The following DDX25 variants were observed in gnomAD, a reference collection of about 807,000 sequenced individuals.
DDX25 encodes the protein DEAD-box helicase 25.
In DDX25, 70 loss-of-function variants were observed where a neutral mutation model predicts 64.6. The observed-to-expected ratio is 1.08, with a 90% CI of 0.89 to 1.32. The LOEUF is 1.32. DDX25 is among the 40% of genes most tolerant of loss of function. The pLI is 0.00. For synonymous variants in DDX25, 211 were observed against 213.3 expected (o/e 0.99, Z 0.09); for missense variants, 587 against 604.4 (o/e 0.97, Z 0.30).
At chr11:125,913,294 T>C (rs1200704528) in intron 8 of DDX25, among the ~76,000 whole-genome samples, 1 of 152,154 alleles carries the variant, frequency 6.6e-6, no homozygotes, top group Non-Finnish European at 1.5e-5. Flanking sequence ...AAGTTTTAAA[T>C]CTCCTATATC....
intron 8 of DDX25, among the ~76,000 whole-genome samples, chr11:125,912,354 A>G (rs1290744157): frequency 1.3e-5 from 2 of 152,200 alleles, no homozygotes; most frequent in Non-Finnish European, 2.9e-5. Context: ...CAGTATTGAT[A>G]TCATGTGACA....
intron 11 of DDX25, chr11:125,922,418 CCA>C (rs1448411762): frequency 5.8e-6 from 1 of 172,882 alleles, no homozygotes; most frequent in Non-Finnish European, 1.2e-5. Context: ...TGTAGCACAT[CCA>C]CCGACCTTTC....
At chr11:125,914,891 T>C (rs605999) in intron 8 of DDX25, among the ~76,000 whole-genome samples, 104,871 of 152,086 alleles carry the variant, frequency 0.69, 36,322 homozygotes, top group Admixed American at 0.73. Context: ...CACAGGCACG[T>C]GCCACCACAC....
At chr11:125,913,633 T>C (rs747449540) in intron 8 of DDX25, among the ~76,000 whole-genome samples, 2 of 152,166 alleles carry the variant, frequency 1.3e-5, no homozygotes, top group Non-Finnish European at 1.5e-5. Flanking sequence ...CCTTTTTTTT[T>C]TCTCTCGCGA....
Position 125,910,572 on chromosome 11 carries a change from A to T in DDX25, c.622+94A>T, listed in dbSNP as rs1944953810. The T allele has an allele frequency of 5.9e-6, 6 of 1,021,094 alleles. No homozygotes were observed. In the Admixed American group the frequency reaches 9.5e-5, roughly 16 times the overall value. 63.3% of individuals were successfully genotyped at this position (1,021,094 alleles called of 1,614,324 possible). Reference sequence around the variant, plus strand: ...ATAACTTCTTGGCATTCTCATCTCTAAATGGGGGAAATAATACCACTCATG... The same window carrying T: ...ATAACTTCTTGGCATTCTCATCTCTTAATGGGGGAAATAATACCACTCATG... On this transcript the variant is annotated intron_variant, in intron 7 of 11. Coordinates refer to ENST00000263576, the MANE Select transcript of DDX25 (RefSeq NM_013264.5).
Position 125,906,060 on chromosome 11 carries a change from T to G in DDX25, c.176-14T>G. Reference sequence around the variant, plus strand: ...GGAAGCTTGATGTCCTCTTTTTTATTTTTGCTTTTCTAGTGGATTTGGCAG... The same window carrying G: ...GGAAGCTTGATGTCCTCTTTTTTATGTTTGCTTTTCTAGTGGATTTGGCAG... On this transcript the variant is annotated splice_polypyrimidine_tract_variant and intron_variant, in intron 3 of 11. Transcript: ENST00000263576. The G allele has an allele frequency of 6.6e-7, 1 of 1,526,686 alleles. No individual in the cohort carries two copies. Among genetic ancestry groups the G allele is most frequent in the South Asian group, 1.3e-5 (1 of 78,890 alleles). The allele number at this position is 1,526,686 out of a possible 1,614,324, so 94.6% of individuals were successfully genotyped here. A position where few individuals can be genotyped will look rare whatever the true frequency, so the allele number is the denominator to read the frequency against.
At position 125,911,327 on chromosome 11, in the gene DDX25, C is replaced by G. The variant is rs751519298; in HGVS notation, c.639C>G (p.Asp213Glu). The part of the protein sequence containing the change: ...IRGNRIPRGT[D>E]ITKQIIIGTP... ...TCTCCCCAGTTCCCAGAGGCACCGA[C>G]ATCACTAAACAGATTATAATTGGCA... Residue 213 changes from aspartate to glutamate, a missense_variant, in exon 8 of 12, where the codon GAC (aspartate) becomes GAG (glutamate). Coordinates refer to ENST00000263576, the MANE Select transcript of DDX25 (RefSeq NM_013264.5). The G allele has an allele frequency of 8.7e-6, 14 of 1,611,010 alleles. No individual in the cohort carries two copies. In the East Asian group the frequency reaches 2.9e-4, roughly 33 times the overall value.
At chr11:125,906,300 C>G in intron 4 of DDX25, 91 bp downstream of exon 4, 1 of 1,367,580 alleles carries the variant, frequency 7.3e-7, no homozygotes, top group South Asian at 1.7e-5. Flanking sequence ...AGGATCTCCT[C>G]TTTGTTTTCT....
At chr11:125,907,441 T>C (rs1370788882) in intron 4 of DDX25, among the ~76,000 whole-genome samples, 6 of 152,064 alleles carry the variant, frequency 3.9e-5, no homozygotes, top group Non-Finnish European at 8.8e-5. Flanking sequence ...ACCCCGTCTC[T>C]ACTAAAAATA....
intron 4 of DDX25, among the ~76,000 whole-genome samples, chr11:125,907,452 C>CA (rs942668387): frequency 3.0e-4 from 46 of 152,128 alleles, no homozygotes; most frequent in South Asian, 1.5e-3. Flanking sequence ...ACTAAAAATA[C>CA]AAAAAATTAG....
At chr11:125,912,834 C>T (rs1345564902) in intron 8 of DDX25, among the ~76,000 whole-genome samples, 2 of 151,510 alleles carry the variant, frequency 1.3e-5, no homozygotes, top group African/African-American at 4.9e-5. Flanking sequence ...TCTGTGATAT[C>T]TCCAAATAGT....
Position 125,925,334 on chromosome 11 carries a change from C to T in DDX25, c.*2453C>T, listed in dbSNP as rs566757136. On this transcript the variant is annotated 3_prime_UTR_variant, in exon 12 of 12. Transcript: ENST00000263576. Reference sequence around the variant, plus strand: ...GGTATTTTTCTGCGTTCCCTTTTGCCCCCTCCTCACGTCCCTTTGTCTCAC... The same window carrying T: ...GGTATTTTTCTGCGTTCCCTTTTGCTCCCTCCTCACGTCCCTTTGTCTCAC... The T allele has an allele frequency of 2.2e-6, 1 of 445,118 alleles. No individual in the cohort carries two copies. The allele number at this position is 445,118 out of a possible 1,614,324, so 27.6% of individuals were successfully genotyped here.
intron 11 of DDX25, chr11:125,922,586 A>G: frequency 2.4e-6 from 1 of 419,398 alleles, no homozygotes; most frequent in Non-Finnish European, 4.2e-6. Context: ...GGCTCTCCTC[A>G]CTTCCACTCT....
At chr11:125,918,973 A>G (rs1945077141) in intron 10 of DDX25, among the ~76,000 whole-genome samples, 183 bp downstream of exon 10, 1 of 151,976 alleles carries the variant, frequency 6.6e-6, no homozygotes, top group African/African-American at 2.4e-5. Flanking sequence ...CTCCCTTTCC[A>G]TCCCATGGCC....
At position 125,908,223 on chromosome 11, in the gene DDX25, T is replaced by G. The variant is rs1327681809; in HGVS notation, c.339T>G (p.Tyr113Ter). The G allele has an allele frequency of 6.2e-7, 1 of 1,610,968 alleles. No individual in the cohort carries two copies. The highest frequency in any genetic ancestry group is 1.3e-5 in the African/African-American group (1 of 74,910). ...RLKEELLKGI[Y>*]AMGFNRPSKI... Reference sequence around the variant, plus strand: ...AGGAAGAGTTACTAAAAGGAATCTATGCAATGGGATTTAATAGGCCATCTA... The same window carrying G: ...AGGAAGAGTTACTAAAAGGAATCTAGGCAATGGGATTTAATAGGCCATCTA... Residue 113 changes from tyrosine to a stop codon, truncating the protein, a stop_gained, in exon 5 of 12, where the codon TAT (tyrosine) becomes TAG (stop). Transcript: ENST00000263576. LOFTEE classifies it high-confidence loss of function.
chr11:125,920,919 T>TACACACACAC (rs3034729), intron 10 of DDX25: 175 of 265,280 alleles, frequency 6.6e-4, no homozygotes, highest in African/African-American at 2.9e-3. Context: ...CACACACACA[T>TACACACACAC]ACACACACAC....
At chr11:125,916,460 T>G (rs890096999) in intron 8 of DDX25, among the ~76,000 whole-genome samples, 9 of 152,318 alleles carry the variant, frequency 5.9e-5, no homozygotes, top group African/African-American at 1.9e-4. Context: ...ATTTCACCTG[T>G]TTTTTAACTT....
At chr11:125,915,294 T>C (rs1455085594) in intron 8 of DDX25, among the ~76,000 whole-genome samples, 1 of 152,248 alleles carries the variant, frequency 6.6e-6, no homozygotes, top group Non-Finnish European at 1.5e-5. Context: ...TGTATAATTT[T>C]AAATTTTCTA....
rs938292761 is a variant in DDX25 at position 125,922,930 on chromosome 11, C to T, written c.*49C>T. On this transcript the variant is annotated 3_prime_UTR_variant, in exon 12 of 12. Transcript: ENST00000263576. ...AGTATCCTAGTTTATGTGAGAATGT[C>T]TCAGTGGGTTTTGAAGGTAATTTTT... 1.3e-6 allele frequency: 2 copies of T among 1,527,662 alleles called. No individual in the cohort carries two copies. Among genetic ancestry groups the T allele is most frequent in the African/African-American group, 2.7e-5 (2 of 73,060 alleles). 94.6% of individuals were successfully genotyped at this position (1,527,662 alleles called of 1,614,324 possible). A position where few individuals can be genotyped will look rare whatever the true frequency, so the allele number is the denominator to read the frequency against.
Sources: allele counts gnomAD v4.1 joint callset (sites outside exome capture counted in the v4.1 genomes callset), GRCh38; gene constraint gnomAD v4.1.1; transcripts MANE v1.5; gene names NCBI Gene and HGNC (gene_info 2026-07-23, HGNC 2026-07-21).